The following MTUS2 variants were observed in gnomAD, a reference collection of about 807,000 sequenced individuals.
MTUS2 encodes microtubule associated scaffold protein 2.
In MTUS2, 40 loss-of-function variants were observed where a neutral mutation model predicts 114.1. That is an observed-to-expected ratio of 0.35 (90% CI 0.27 to 0.46). MTUS2 has a LOEUF of 0.46. MTUS2 is among the 20% of genes least tolerant of loss of function. The pLI is 1.00. For missense variants in MTUS2, 1,679 were observed against 1,705.4 expected (o/e 0.98, Z 0.27); for synonymous variants, 688 against 672.0 (o/e 1.02, Z -0.37).
intron 2 of MTUS2, among the ~76,000 whole-genome samples, chr13:28,974,912 C>CTATG (rs1198774773): frequency 6.6e-6 from 1 of 152,062 alleles, no homozygotes; most frequent in East Asian, 1.9e-4. Context: ...AATGGCAAAG[C>CTATG]TATGTATACA....
In MTUS2 at chr13:29,383,145, T is replaced by G. The variant is rs551221343; in HGVS notation, c.3117+23672T>G. ...TGTATTTTTGGCTGTTTCCTTGGCTTCTTCTAGTCTTGTTAAATGACATAC... is the reference window on the plus strand; with the variant it reads ...TGTATTTTTGGCTGTTTCCTTGGCTGCTTCTAGTCTTGTTAAATGACATAC... On this transcript the variant is annotated intron_variant, in intron 8 of 15. Transcript: ENST00000612955. Among the ~76,000 whole-genome samples the G allele has an allele frequency of 7.3e-5, 11 of 150,008 alleles. No homozygotes were observed. The South Asian group carries it at 1.1e-3, about 15-fold the overall frequency.
intron 5 of MTUS2, among the ~76,000 whole-genome samples, chr13:29,230,580 G>A (rs951892130): frequency 6.6e-6 from 1 of 152,216 alleles, no homozygotes; most frequent in Non-Finnish European, 1.5e-5. Context: ...TTCAGTGAGA[G>A]GGTTGGTCTG....
chr13:29,020,049 C>T (rs990471038), intron 2 of MTUS2, among the ~76,000 whole-genome samples: 2 of 152,130 alleles, frequency 1.3e-5, no homozygotes, highest in Non-Finnish European at 2.9e-5. Context: ...GAGACCCTGC[C>T]CAGATGTGTG....
chr13:28,921,020 C>T (rs996607059), intron 2 of MTUS2, among the ~76,000 whole-genome samples: 4 of 152,248 alleles, frequency 2.6e-5, no homozygotes, highest in Admixed American at 1.3e-4. Flanking sequence ...TCAGGGACCC[C>T]AGGGGCCTGC....
At chr13:28,929,901 T>C (rs1199398089) in intron 2 of MTUS2, among the ~76,000 whole-genome samples, 1 of 152,102 alleles carries the variant, frequency 6.6e-6, no homozygotes, top group Non-Finnish European at 1.5e-5. Context: ...GCAAGTGTTT[T>C]AAGAAGAAAA....
At chr13:29,162,658 G>T (rs1197916215) in intron 5 of MTUS2, among the ~76,000 whole-genome samples, 1 of 152,190 alleles carries the variant, frequency 6.6e-6, no homozygotes, top group Non-Finnish European at 1.5e-5. Flanking sequence ...TTATATTCTT[G>T]CTGTATTTAA....
chr13:29,187,965 A>G (rs1312733670), intron 5 of MTUS2, among the ~76,000 whole-genome samples: 3 of 152,220 alleles, frequency 2.0e-5, no homozygotes, highest in East Asian at 1.9e-4. Flanking sequence ...TTGACGGCAG[A>G]TATCACTTCC....
chr13:29,501,824 TCA>T (rs1005397481), intron 15 of MTUS2, among the ~76,000 whole-genome samples: 7 of 101,132 alleles, frequency 6.9e-5, no homozygotes, highest in African/African-American at 1.2e-4. Context: ...ATGCATACAC[TCA>T]CATGCACTCA....
chr13:29,095,617 TTAA>T (rs1225911410), intron 4 of MTUS2, among the ~76,000 whole-genome samples: 1 of 152,148 alleles, frequency 6.6e-6, no homozygotes, highest in Non-Finnish European at 1.5e-5. Context: ...GATGTTGCAC[TTAA>T]TGATGGTCCA....
At chr13:28,828,095 C>T (rs749614706) in intron 1 of MTUS2, among the ~76,000 whole-genome samples, 3 of 152,172 alleles carry the variant, frequency 2.0e-5, no homozygotes, top group South Asian at 2.1e-4. Context: ...AAAAGACAGA[C>T]GTTCCCAAAG....
chr13:29,410,813 TTTTG>T (rs58667275), intron 8 of MTUS2, among the ~76,000 whole-genome samples: 55,657 of 150,332 alleles, frequency 0.37, 11,337 homozygotes, highest in African/African-American at 0.55. Flanking sequence ...ACACTATTGG[TTTTG>T]TTTGTTTGTT....
At chr13:28,972,782 C>T (rs1883912201) in intron 2 of MTUS2, among the ~76,000 whole-genome samples, 1 of 151,994 alleles carries the variant, frequency 6.6e-6, no homozygotes, top group Admixed American at 6.6e-5. Context: ...ATTATTTAAA[C>T]ACAAAAACAC....
intron 6 of MTUS2, among the ~76,000 whole-genome samples, chr13:29,288,892 C>T (rs913614267): frequency 2.0e-5 from 3 of 152,288 alleles, no homozygotes; most frequent in African/African-American, 4.8e-5. Context: ...GCATTTTAAG[C>T]GGACTCAGAG....
At chr13:28,886,965 G>A (rs1030864825) in intron 2 of MTUS2, among the ~76,000 whole-genome samples, 1 of 152,224 alleles carries the variant, frequency 6.6e-6, no homozygotes, top group East Asian at 1.9e-4. Flanking sequence ...TAGGAGGCCA[G>A]TGTCTCTGGA....
intron 5 of MTUS2, among the ~76,000 whole-genome samples, chr13:29,184,428 G>A (rs943209431): frequency 2.6e-5 from 4 of 152,074 alleles, no homozygotes; most frequent in Non-Finnish European, 4.4e-5. Context: ...AGGGCTGTGT[G>A]CATTCTCAGG....
chr13:29,226,315 G>A (rs1361660326), intron 5 of MTUS2, among the ~76,000 whole-genome samples: 1 of 152,214 alleles, frequency 6.6e-6, no homozygotes, highest in African/African-American at 2.4e-5. Flanking sequence ...AAATTTAACT[G>A]CTAAACTTAG....
In MTUS2 at chr13:29,480,306, G is replaced by C; in HGVS notation, c.3341G>C (p.Arg1114Pro). ...CTGCAATTCGAGGCGGAAATGGCGCGCCTGCAGGAGGAGCACGGTGACCAG... is the reference window on the plus strand; with the variant it reads ...CTGCAATTCGAGGCGGAAATGGCGCCCCTGCAGGAGGAGCACGGTGACCAG... ...LQLQFEAEMA[R>P]LQEEHGDQLL... is the part of the protein sequence containing the mutation. Residue 1114 changes from arginine (R) to proline (P), a missense_variant, in exon 10 of 16, where the codon CGC becomes CCC. Arg to Pro is a moderately radical substitution (Grantham distance 103, BLOSUM62 -2). Coordinates refer to ENST00000612955, the MANE Select transcript of MTUS2 (RefSeq NM_001033602.4). The surrounding 1 kb of genome is among the most constrained non-coding windows in gnomAD (Gnocchi z 4.4). 6.4e-7 allele frequency: 1 copy of C among 1,556,230 alleles called. No homozygotes were observed. The highest frequency in any genetic ancestry group is 8.7e-7 in the Non-Finnish European group (1 of 1,150,254).
intron 7 of MTUS2, among the ~76,000 whole-genome samples, chr13:29,335,918 C>T (rs1901039585): frequency 6.6e-6 from 1 of 151,980 alleles, no homozygotes. Flanking sequence ...TTTTCTTCAC[C>T]CTCTACTTCA....
chr13:29,366,345 T>C (rs1870709675), intron 8 of MTUS2, among the ~76,000 whole-genome samples: 1 of 152,110 alleles, frequency 6.6e-6, no homozygotes, highest in African/African-American at 2.4e-5. Flanking sequence ...ATCACAAGAA[T>C]GGCATGGGAA....
Sources: gnomAD v4.1 joint callset for allele counts (sites outside exome capture counted in the v4.1 genomes callset) on GRCh38, gnomAD v4.1.1 for gene constraint, Gnocchi (gnomAD v3.1) non-coding constraint, MANE v1.5 for transcripts, NCBI Gene and HGNC (gene_info 2026-07-23, HGNC 2026-07-21) for gene names.